Variants in CORO2B observed in about 807,000 individuals in gnomAD.
CORO2B encodes the protein coronin-2B.
In CORO2B, 26 loss-of-function variants were observed where a neutral mutation model predicts 58.8. That is an observed-to-expected ratio of 0.44 (90% CI 0.32 to 0.61). The LOEUF (loss-of-function observed/expected upper bound fraction) is 0.61. Among genes scored for constraint, CORO2B ranks in the 20% least tolerant of loss-of-function variants. CORO2B has a pLI of 0.04. For synonymous variants in CORO2B, 242 were observed against 253.8 expected, an observed-to-expected ratio of 0.95 and a Z score of 0.44; for missense variants, 460 against 645.1, an observed-to-expected ratio of 0.71 and a Z score of 3.11.
At chr15:68,617,448 G>A (rs1018057377) in intron 1 of CORO2B, among the ~76,000 whole-genome samples, 1 of 152,196 alleles carries the variant, frequency 6.6e-6, no homozygotes, top group African/African-American at 2.4e-5. Context: ...CTCACCAGCT[G>A]TGTGACCTTG....
At chr15:68,638,957 A>C (rs1901120676) in intron 1 of CORO2B, among the ~76,000 whole-genome samples, 1 of 152,210 alleles carries the variant, frequency 6.6e-6, no homozygotes, top group South Asian at 2.1e-4. Context: ...GCCTGACAGC[A>C]GTACTGGGTT....
At chr15:68,562,988 A>AG in the CORO2B span, among the ~76,000 whole-genome samples, 1 of 151,112 alleles carries the variant, frequency 6.6e-6, no homozygotes, top group Admixed American at 6.6e-5. Context: ...AAGAAAAAAA[A>AG]AAAAGAAAGA....
At chr15:68,567,888 C>T in the CORO2B span, among the ~76,000 whole-genome samples, 1 of 152,152 alleles carries the variant, frequency 6.6e-6, no homozygotes, top group Non-Finnish European at 1.5e-5. Context: ...GGTTTGGTGG[C>T]AGGCGCCTGT....
chr15:68,630,554 G>A (rs1344421032), intron 1 of CORO2B, among the ~76,000 whole-genome samples: 5 of 151,880 alleles, frequency 3.3e-5, no homozygotes, highest in Admixed American at 2.6e-4. Flanking sequence ...GTCACAGGCA[G>A]TGTTCAAAGA....
At chr15:68,596,707 G>A (rs1373563913) in intron 1 of CORO2B, among the ~76,000 whole-genome samples, 1 of 152,218 alleles carries the variant, frequency 6.6e-6, no homozygotes, top group African/African-American at 2.4e-5. Context: ...CAGGCACAGG[G>A]AAGATGCATC....
chr15:68,630,352 G>T (rs943887327), intron 1 of CORO2B, among the ~76,000 whole-genome samples: 3 of 152,132 alleles, frequency 2.0e-5, no homozygotes, highest in African/African-American at 4.8e-5. Flanking sequence ...TGCATGGCAG[G>T]CACGGGCAGC....
the CORO2B span, among the ~76,000 whole-genome samples, chr15:68,556,511 C>A: frequency 6.6e-6 from 1 of 152,228 alleles, no homozygotes; most frequent in African/African-American, 2.4e-5. Context: ...AGGCTGATAA[C>A]ACCAGGACCT....
the CORO2B span, among the ~76,000 whole-genome samples, chr15:68,539,628 T>C: frequency 2.6e-5 from 4 of 152,276 alleles, no homozygotes; most frequent in Admixed American, 2.0e-4. Context: ...TGAGCCAAGA[T>C]TGAGTCTGCC....
the CORO2B span, among the ~76,000 whole-genome samples, chr15:68,557,206 A>G: frequency 2.0e-5 from 3 of 152,248 alleles, no homozygotes. Context: ...AAAGGGATTC[A>G]TAGAGGATCA....
chr15:68,709,891 A>C (rs1454087824), intron 3 of CORO2B, among the ~76,000 whole-genome samples: 2 of 151,348 alleles, frequency 1.3e-5, no homozygotes, highest in African/African-American at 4.8e-5. Flanking sequence ...CCCCCCACCT[A>C]CCACCTACCT....
chr15:68,594,920 G>A (rs1458004321), intron 1 of CORO2B, among the ~76,000 whole-genome samples: 1 of 152,226 alleles, frequency 6.6e-6, no homozygotes, highest in Non-Finnish European at 1.5e-5. Flanking sequence ...ATCATGCTGT[G>A]TGACCTTAGG....
intron 2 of CORO2B, among the ~76,000 whole-genome samples, chr15:68,647,827 G>A (rs1317451987): frequency 6.7e-6 from 1 of 149,572 alleles, no homozygotes; most frequent in Non-Finnish European, 1.5e-5. Flanking sequence ...GGGCAACATA[G>A]TGAGGCCCTG....
At chr15:68,545,823 G>A in the CORO2B span, among the ~76,000 whole-genome samples, 2 of 152,216 alleles carry the variant, frequency 1.3e-5, no homozygotes, top group Non-Finnish European at 2.9e-5. Context: ...CTGCCATCAG[G>A]TGGGGCATCC....
the CORO2B span, among the ~76,000 whole-genome samples, chr15:68,543,193 C>G: frequency 6.6e-6 from 1 of 152,168 alleles, no homozygotes; most frequent in African/African-American, 2.4e-5. Context: ...CAGAAGGATG[C>G]ATTTTCAAAG....
chr15:68,620,759 G>T (rs144218563), intron 1 of CORO2B, among the ~76,000 whole-genome samples: 1 of 152,282 alleles, frequency 6.6e-6, no homozygotes, highest in East Asian at 1.9e-4. Flanking sequence ...GAGTGTGCCT[G>T]CCGTCACTCA....
chr15:68,526,895 G>C, the CORO2B span, among the ~76,000 whole-genome samples: 2 of 152,230 alleles, frequency 1.3e-5, no homozygotes, highest in African/African-American at 4.8e-5. Flanking sequence ...CAGTGTGACT[G>C]TGTTTGAAGA....
chr15:68,603,961 C>T (rs1195389827), intron 1 of CORO2B, among the ~76,000 whole-genome samples: 2 of 152,162 alleles, frequency 1.3e-5, no homozygotes, highest in East Asian at 1.9e-4. Flanking sequence ...AGCTGGTCTC[C>T]TTCAGAGGCT....
chr15:68,671,666 C>T (rs528177455), intron 2 of CORO2B, among the ~76,000 whole-genome samples: 1 of 152,338 alleles, frequency 6.6e-6, no homozygotes, highest in African/African-American at 2.4e-5. Context: ...GGAGGCCTCA[C>T]TTCCTTGCAG....
intron 3 of CORO2B, among the ~76,000 whole-genome samples, chr15:68,703,824 T>C (rs375686747): frequency 6.6e-6 from 1 of 152,120 alleles, no homozygotes; most frequent in African/African-American, 2.4e-5. Context: ...ATGAAGTTTA[T>C]GCTGCATTCC....
Sources: gnomAD v4.1 joint callset for allele counts (sites outside exome capture counted in the v4.1 genomes callset) on GRCh38, gnomAD v4.1.1 for gene constraint, MANE v1.5 for transcripts, NCBI Gene and HGNC (gene_info 2026-07-23, HGNC 2026-07-21) for gene names.